Variants in KCNN2 observed in about 807,000 individuals in gnomAD.
The protein encoded by KCNN2 is small conductance calcium-activated potassium channel protein 2.
Under a neutral mutation model 55.5 loss-of-function variants are expected in KCNN2, and 24 were observed. The ratio of observed to expected loss-of-function variants is 0.43; its 90% CI spans 0.31 to 0.61. The LOEUF is 0.61. Ranked by LOEUF, KCNN2 falls within the 20% of genes least tolerant of loss-of-function variation. The pLI is 0.08. For synonymous variants in KCNN2, 431 were observed against 336.1 expected (o/e 1.28, Z -3.09); for missense variants, 754 against 853.6 (o/e 0.88, Z 1.45).
At chr5:114,159,044 G>T (rs1014027706) in intron 1 of KCNN2, among the ~76,000 whole-genome samples, 3 of 152,012 alleles carry the variant, frequency 2.0e-5, no homozygotes, top group Non-Finnish European at 4.4e-5. Flanking sequence ...CACTATGTTG[G>T]AAAGGAGTGG....
intron 1 of KCNN2, among the ~76,000 whole-genome samples, chr5:114,209,965 A>T (rs1419174054): frequency 6.6e-6 from 1 of 152,132 alleles, no homozygotes; most frequent in Non-Finnish European, 1.5e-5. Flanking sequence ...TATTGTTCAT[A>T]GACAGGTGGA....
At chr5:114,133,341 C>G (rs959515676) in intron 1 of KCNN2, among the ~76,000 whole-genome samples, 2 of 152,156 alleles carry the variant, frequency 1.3e-5, no homozygotes, top group African/African-American at 4.8e-5. Flanking sequence ...TGTCCTTTTA[C>G]TTTTAAAGTG....
chr5:114,127,532 G>A (rs1463098992), intron 1 of KCNN2, among the ~76,000 whole-genome samples: 1 of 151,930 alleles, frequency 6.6e-6, no homozygotes, highest in East Asian at 1.9e-4. Flanking sequence ...GGGAGCCCTC[G>A]GCCTGGCCTA....
chr5:114,395,052 A>T (rs2150065675), intron 2 of KCNN2, among the ~76,000 whole-genome samples: 1 of 152,324 alleles, frequency 6.6e-6, no homozygotes, highest in Non-Finnish European at 1.5e-5. Context: ...TATTTTCTAG[A>T]AGGTAAACCC....
At chr5:114,066,111 T>C (rs990246642) in intron 1 of KCNN2, among the ~76,000 whole-genome samples, 2 of 152,130 alleles carry the variant, frequency 1.3e-5, no homozygotes, top group Non-Finnish European at 2.9e-5. Flanking sequence ...GTTGTTTGCA[T>C]TGGTTTCTCA....
intron 2 of KCNN2, among the ~76,000 whole-genome samples, chr5:114,271,615 A>G (rs1382576535): frequency 1.3e-5 from 2 of 152,200 alleles, no homozygotes; most frequent in Non-Finnish European, 2.9e-5. Flanking sequence ...GTTTTCAGTC[A>G]TCTGTCATGT....
chr5:114,398,871 C>G (rs1013835196), intron 2 of KCNN2, among the ~76,000 whole-genome samples: 7 of 152,040 alleles, frequency 4.6e-5, no homozygotes, highest in Non-Finnish European at 8.8e-5. Flanking sequence ...AGGAATGCTA[C>G]TGGTTTTTAT....
chr5:114,174,209 C>A (rs1418582183), intron 1 of KCNN2, among the ~76,000 whole-genome samples: 1 of 152,034 alleles, frequency 6.6e-6, no homozygotes, highest in African/African-American at 2.4e-5. Flanking sequence ...AATTTTGTCC[C>A]CCAGTATAAC....
At chr5:114,144,598 G>A (rs908071113) in intron 1 of KCNN2, among the ~76,000 whole-genome samples, 1 of 152,068 alleles carries the variant, frequency 6.6e-6, no homozygotes, top group African/African-American at 2.4e-5. Context: ...CTCTGGCTCT[G>A]ACTATTAAAA....
chr5:114,214,582 A>G (rs1273450898), intron 1 of KCNN2, among the ~76,000 whole-genome samples: 1 of 152,094 alleles, frequency 6.6e-6, no homozygotes, highest in East Asian at 1.9e-4. Context: ...TTCTAGTAGC[A>G]CTGGTGCTTG....
At chr5:114,111,354 G>T (rs1004829418) in intron 1 of KCNN2, among the ~76,000 whole-genome samples, 11 of 152,052 alleles carry the variant, frequency 7.2e-5, no homozygotes, top group Non-Finnish European at 1.2e-4. Flanking sequence ...AGACTTCAAT[G>T]TAATACCTAA....
chr5:114,245,858 ACT>A (rs1270667339), intron 2 of KCNN2, among the ~76,000 whole-genome samples: 1 of 151,900 alleles, frequency 6.6e-6, no homozygotes, highest in Non-Finnish European at 1.5e-5. Flanking sequence ...GCCACTGAGG[ACT>A]CTTTTCTGCT....
chr5:114,461,692 T>C (rs376953858), intron 3 of KCNN2, among the ~76,000 whole-genome samples: 9 of 152,202 alleles, frequency 5.9e-5, no homozygotes, highest in Admixed American at 4.6e-4. Flanking sequence ...GCATTTTTTA[T>C]TTTTGAAGCA....
At chr5:114,398,526 ATTCAGGCTTTTTTTGG>A (rs1320390949) in intron 2 of KCNN2, among the ~76,000 whole-genome samples, 1 of 145,470 alleles carries the variant, frequency 6.9e-6, no homozygotes, top group African/African-American at 2.6e-5. Flanking sequence ...TGCTTTGGCT[ATTCAGGCTTTTTTTGG>A]TTCCATGTGA....
At chr5:114,138,312 C>G (rs1752211482) in intron 1 of KCNN2, among the ~76,000 whole-genome samples, 1 of 152,136 alleles carries the variant, frequency 6.6e-6, no homozygotes, top group African/African-American at 2.4e-5. Flanking sequence ...AGCCTGAGCT[C>G]TAGGAGGGCA....
At chr5:114,244,494 G>A (rs1216306445) in intron 2 of KCNN2, among the ~76,000 whole-genome samples, 2 of 152,010 alleles carry the variant, frequency 1.3e-5, no homozygotes, top group African/African-American at 4.8e-5. Context: ...CTACTTGGGA[G>A]GCTGAGGCAG....
chr5:114,375,120 T>G (rs2150053143), intron 2 of KCNN2, among the ~76,000 whole-genome samples: 1 of 152,304 alleles, frequency 6.6e-6, no homozygotes, highest in Non-Finnish European at 1.5e-5. Flanking sequence ...GTGTCTCCAG[T>G]CACAAGGTTA....
intron 1 of KCNN2, among the ~76,000 whole-genome samples, chr5:114,203,290 A>T (rs1753710763): frequency 1.3e-5 from 2 of 152,180 alleles, no homozygotes; most frequent in Admixed American, 1.3e-4. Flanking sequence ...TTTAAAGTCC[A>T]CTGTGATAGG....
chr5:114,366,003 T>C (rs1196003840), intron 2 of KCNN2, among the ~76,000 whole-genome samples: 2 of 152,168 alleles, frequency 1.3e-5, no homozygotes, highest in Non-Finnish European at 2.9e-5. Flanking sequence ...ATTGGGAGAT[T>C]TTTTGAAGTA....
Sources: gnomAD v4.1 joint callset for allele counts (sites outside exome capture counted in the v4.1 genomes callset) on GRCh38, gnomAD v4.1.1 for gene constraint, MANE v1.5 for transcripts, NCBI Gene and HGNC (gene_info 2026-07-23, HGNC 2026-07-21) for gene names.